NPTX1: variants seen among roughly 807,000 people sequenced by gnomAD.
NPTX1 encodes the protein neuronal pentraxin 1.
In NPTX1, 12 loss-of-function variants were observed where a neutral mutation model predicts 38.7. That is an observed-to-expected ratio of 0.31 (90% CI 0.20 to 0.50). NPTX1 has a LOEUF of 0.50. NPTX1 is among the 20% of genes least tolerant of loss of function. The pLI is 0.98. For missense variants in NPTX1, 454 were observed against 592.2 expected (o/e 0.77, Z 2.42); for synonymous variants, 272 against 264.9 (o/e 1.03, Z -0.26).
Position 80,471,821 on chromosome 17 carries a change from G to C in NPTX1, c.988C>G (p.Gln330Glu), listed in dbSNP as rs779150688. ...TTRDGVWEAYQDGTQGGSGEN... is the reference protein window; with the variant it reads ...TTRDGVWEAYEDGTQGGSGEN... ...CCACTGCCACCCTGCGTGCCATCCTGGTAGGCCTCCCAGACCCCGTCCCGG... is the reference window on the plus strand; with the variant it reads ...CCACTGCCACCCTGCGTGCCATCCTCGTAGGCCTCCCAGACCCCGTCCCGG... Residue 330 changes from glutamine to glutamate, a missense_variant, in exon 4 of 5, where the codon CAG (glutamine) becomes GAG (glutamate). By Grantham distance (29) the Gln-to-Glu change is conservative. Coordinates refer to ENST00000306773, the MANE Select transcript of NPTX1 (RefSeq NM_002522.4). 1.2e-6 allele frequency: 2 copies of C among 1,613,622 alleles called. No individual in the cohort carries two copies. Among genetic ancestry groups the C allele is most frequent in the Admixed American group, 1.7e-5 (1 of 60,022 alleles).
rs2083816743 is a variant in NPTX1 at position 80,468,192 on chromosome 17, G to A, written c.*2621C>T. 1 of 152,750 alleles carries A rather than the reference G, an allele frequency of 6.5e-6. No homozygotes were observed. The highest frequency in any genetic ancestry group is 1.5e-5 in the Non-Finnish European group (1 of 68,088). The allele number at this position is 152,750 out of a possible 1,614,324, so 9.5% of individuals were successfully genotyped here. On this transcript the variant is annotated 3_prime_UTR_variant, in exon 5 of 5. Coordinates refer to ENST00000306773, the MANE Select transcript of NPTX1 (RefSeq NM_002522.4). ...AAGTGCCAAGTGTCAACACAGTGAG[G>A]GAGTCGAGGGGCTTGGCTCAGACCC...
chr17:80,476,194 T>G lies in NPTX1; in HGVS notation c.253A>C (p.Lys85Gln). 1 of 1,577,800 alleles carries G rather than the reference T, an allele frequency of 6.3e-7. No individual in the cohort carries two copies. ...CTCTGGCTCTCGCAGCGGCCCAGCT[T>G]GGCGGTCAGCTCGCGGATGGTCTCC... The part of the protein sequence containing the change: ...QKETIRELTA[K>Q]LGRCESQSTL... The change falls in exon 1 of 5, where the codon AAG becomes CAG. Residue 85 changes from lysine to glutamine, a missense_variant. Transcript: ENST00000306773. The surrounding 1 kb of genome is among the most constrained non-coding windows in gnomAD (Gnocchi z 6.3).
intron 4 of NPTX1, 71 bp from the exon 5 acceptor site, chr17:80,471,105 G>T (rs907600982): frequency 1.9e-5 from 23 of 1,213,194 alleles, no homozygotes; most frequent in Admixed American, 4.4e-5. Context: ...CTAGGCCGGG[G>T]ATCTGAGTGC....
Position 80,476,517 on chromosome 17 carries a change from CG to C in NPTX1, c.-72del, listed in dbSNP as rs1257212278. On this transcript the variant is annotated 5_prime_UTR_variant, in exon 1 of 5. Transcript: ENST00000306773. This position sits in a 1 kb window ranked among gnomAD's most constrained non-coding sequence, Gnocchi z 6.3. ...GCTCGGCTCCGGCTGGGACCCGGCT[CG>C]GGCTGTGGCTCCGCGAGCGGCCCGC... 3 of 909,668 alleles carry C rather than the reference CG, an allele frequency of 3.3e-6. No individual in the cohort carries two copies. The East Asian group carries it at 2.4e-4, about 72-fold the overall frequency. The allele number at this position is 909,668 out of a possible 1,614,324, so 56.3% of individuals were successfully genotyped here.
In NPTX1 at chr17:80,476,442, G is replaced by C; in HGVS notation, c.5C>G (p.Pro2Arg). The C allele has an allele frequency of 2.3e-6, 3 of 1,310,732 alleles. No homozygotes were observed. Among genetic ancestry groups the C allele is most frequent in the Middle Eastern group, 2.9e-4 (1 of 3,436 alleles). The allele number at this position is 1,310,732 out of a possible 1,614,324, so 81.2% of individuals were successfully genotyped here. A position where few individuals can be genotyped will look rare whatever the true frequency, so the allele number is the denominator to read the frequency against. MPAGRAARTCAL... is the reference protein window; with the variant it reads MRAGRAARTCAL... ...ACAGGTGCGCGCGGCGCGGCCGGCCGGCATGGCTGCGGGCACCGGGCGCTC... is the reference window on the plus strand; with the variant it reads ...ACAGGTGCGCGCGGCGCGGCCGGCCCGCATGGCTGCGGGCACCGGGCGCTC... The change falls in exon 1 of 5, where the codon CCG becomes CGG. Residue 2 changes from proline to arginine, a missense_variant. Pro to Arg is a moderately radical substitution (Grantham distance 103, BLOSUM62 -2). Transcript: ENST00000306773. The surrounding 1 kb of genome is among the most constrained non-coding windows in gnomAD (Gnocchi z 6.3).
chr17:80,470,803 C>A lies in NPTX1; in HGVS notation c.*10G>T. ...GCGAGGGCGGGCGGGCTCAGCCTGG[C>A]CTGCCGTGCTCAGTTGATCTGGCGA... On this transcript the variant is annotated 3_prime_UTR_variant, in exon 5 of 5. Transcript: ENST00000306773. 6.4e-7 allele frequency: 1 copy of A among 1,567,756 alleles called. No homozygotes were observed. The highest frequency in any genetic ancestry group is 8.7e-7 in the Non-Finnish European group (1 of 1,147,336).
Position 80,471,785 on chromosome 17 carries a change from C to G in NPTX1, c.1024G>C (p.Ala342Pro). 1 of 1,613,346 alleles carries G rather than the reference C, an allele frequency of 6.2e-7. No homozygotes were observed. The highest frequency in any genetic ancestry group is 2.2e-5 in the East Asian group (1 of 44,888). ...GTQGGSGENLAPYHPIKPQGV... is the reference protein window; with the variant it reads ...GTQGGSGENLPPYHPIKPQGV... ...TGGGGCTTGATGGGGTGATAGGGCG[C>G]CAAGTTCTCGCCACTGCCACCCTGC... is the stretch of plus-strand genomic sequence containing the variant. The change falls in exon 4 of 5, where the codon GCG (alanine) becomes CCG (proline). Residue 342 changes from alanine to proline, a missense_variant. Physicochemically the swap from Ala to Pro is conservative, Grantham distance 27. Transcript: ENST00000306773.
Position 80,475,379 on chromosome 17 carries a change from G to A in NPTX1, c.652+132C>T. On this transcript the variant is annotated intron_variant, in intron 2 of 4. Transcript: ENST00000306773. The surrounding 1 kb of genome is among the most constrained non-coding windows in gnomAD (Gnocchi z 6.5). ...AAGGGGTGCGGGGAATGAGAAAGCGGTGCAGGGGTTGGGGGTAGCGGAGCG... is the reference window on the plus strand; with the variant it reads ...AAGGGGTGCGGGGAATGAGAAAGCGATGCAGGGGTTGGGGGTAGCGGAGCG... The A allele has an allele frequency of 1.5e-6, 1 of 666,036 alleles. No homozygotes were observed. The highest frequency in any genetic ancestry group is 2.5e-6 in the Non-Finnish European group (1 of 395,988). 41.3% of individuals were successfully genotyped at this position (666,036 alleles called of 1,614,324 possible). A position where few individuals can be genotyped will look rare whatever the true frequency, so the allele number is the denominator to read the frequency against.
intron 4 of NPTX1, 28 bp from the exon 5 acceptor site, chr17:80,471,062 G>A: frequency 1.3e-6 from 2 of 1,544,534 alleles, no homozygotes; most frequent in Non-Finnish European, 8.8e-7. Flanking sequence ...GGATGAGAGT[G>A]GAGGGGTCGC....
rs2083835538 is a variant in NPTX1, at chr17:80,470,655, T to C, written c.*158A>G. On this transcript the variant is annotated 3_prime_UTR_variant, in exon 5 of 5. Coordinates refer to ENST00000306773, the MANE Select transcript of NPTX1 (RefSeq NM_002522.4). ...ACAGATGGGAGCAGGGGCTGCTTCGTGTGCATGAGGACAAAACCAGGCTGT... is the reference window on the plus strand; with the variant it reads ...ACAGATGGGAGCAGGGGCTGCTTCGCGTGCATGAGGACAAAACCAGGCTGT... The C allele has an allele frequency of 6.9e-6, 4 of 578,454 alleles. No homozygotes were observed. Among genetic ancestry groups the C allele is most frequent in the Non-Finnish European group, 9.2e-6 (3 of 326,350 alleles). 35.8% of individuals were successfully genotyped at this position (578,454 alleles called of 1,614,324 possible).
At chr17:80,471,629 G>C in intron 4 of NPTX1, 103 bp downstream of exon 4, 1 of 1,486,612 alleles carries the variant, frequency 6.7e-7, no homozygotes, top group Non-Finnish European at 8.9e-7. Context: ...CTTCTCAGGG[G>C]AACCACTTCT....
rs1380444678 is a variant in NPTX1 at position 80,470,019 on chromosome 17, G to A, written c.*794C>T. On this transcript the variant is annotated 3_prime_UTR_variant, in exon 5 of 5. Transcript: ENST00000306773. ...GGGCCGTCCTGGGGCAGAGCTAGCT[G>A]AGCTGGGCACACAGGCCGACCTCCC... is the stretch of plus-strand genomic sequence containing the variant. The A allele has an allele frequency of 6.6e-6, 1 of 152,358 alleles. No individual in the cohort carries two copies. The highest frequency in any genetic ancestry group is 1.5e-5 in the Non-Finnish European group (1 of 68,148). The allele number at this position is 152,358 out of a possible 1,614,324, so 9.4% of individuals were successfully genotyped here. A position where few individuals can be genotyped will look rare whatever the true frequency, so the allele number is the denominator to read the frequency against.
intron 4 of NPTX1, among the ~76,000 whole-genome samples, chr17:80,471,387 G>A (rs1427735994): frequency 6.6e-6 from 1 of 152,210 alleles, no homozygotes; most frequent in Admixed American, 6.5e-5. Context: ...GCCCAACAGG[G>A]ACAGACGTCC....
chr17:80,471,688 G>A (rs748269137), intron 4 of NPTX1, 44 bp downstream of exon 4: 1 of 1,576,252 alleles, frequency 6.3e-7, no homozygotes, highest in South Asian at 1.1e-5. Context: ...CCAGCCTCTG[G>A]TTCTGAAGCT....
intron 4 of NPTX1, 89 bp downstream of exon 4, chr17:80,471,643 G>C: frequency 6.6e-7 from 1 of 1,511,922 alleles, no homozygotes; most frequent in South Asian, 1.3e-5. Context: ...CACTTCTCCG[G>C]CTACCTCCCT....
chr17:80,475,927 G>T lies in NPTX1; in HGVS notation c.444+76C>A. The stretch of plus-strand genomic sequence containing the variant: ...GGCGAGGGCGGGGGATGCCTGGCCG[G>T]GTAGGGAACGGGGTGGGGGAGGGCA... On this transcript the variant is annotated intron_variant, in intron 1 of 4. Transcript: ENST00000306773. This position sits in a 1 kb window ranked among gnomAD's most constrained non-coding sequence, Gnocchi z 6.5. 15 of 1,274,384 alleles carry T rather than the reference G, an allele frequency of 1.2e-5. No homozygotes were observed. The highest frequency in any genetic ancestry group is 1.6e-5 in the Non-Finnish European group (15 of 916,714). The allele number at this position is 1,274,384 out of a possible 1,614,324, so 78.9% of individuals were successfully genotyped here. A position where few individuals can be genotyped will look rare whatever the true frequency, so the allele number is the denominator to read the frequency against.
At position 80,469,554 on chromosome 17, in the gene NPTX1, T is replaced by C. The variant is rs1025283748; in HGVS notation, c.*1259A>G. ...GCCAGTGGCAGCTTGTGGGCTGCTG[T>C]AGGCCGTGAGCCCCATGAGATGGAG... On this transcript the variant is annotated 3_prime_UTR_variant, in exon 5 of 5. Transcript: ENST00000306773. The C allele has an allele frequency of 6.6e-6, 1 of 152,312 alleles. No individual in the cohort carries two copies. Among genetic ancestry groups the C allele is most frequent in the Non-Finnish European group, 1.5e-5 (1 of 68,088 alleles). The allele number at this position is 152,312 out of a possible 1,614,324, so 9.4% of individuals were successfully genotyped here.
intron 4 of NPTX1, 115 bp from the exon 5 acceptor site, chr17:80,471,149 C>A: frequency 1.4e-6 from 1 of 735,316 alleles, no homozygotes; most frequent in Non-Finnish European, 2.2e-6. Flanking sequence ...CTCTCACGGA[C>A]ACTCCTAGGT....
rs1350231237 is a variant in NPTX1 at position 80,475,234 on chromosome 17, G to A, written c.652+277C>T. Among the ~76,000 whole-genome samples the A allele has an allele frequency of 2.0e-5, 3 of 152,180 alleles. No homozygotes were observed. Among genetic ancestry groups the A allele is most frequent in the African/African-American group, 4.8e-5 (2 of 41,436 alleles). Reference sequence around the variant, plus strand: ...ACAAATCAGACTTGAAAAATCCAGCGAGTGTGTGAGTGTGTCTGGATGGGG... The same window carrying A: ...ACAAATCAGACTTGAAAAATCCAGCAAGTGTGTGAGTGTGTCTGGATGGGG... On this transcript the variant is annotated intron_variant, in intron 2 of 4. Coordinates refer to ENST00000306773, the MANE Select transcript of NPTX1 (RefSeq NM_002522.4). The surrounding 1 kb of genome is among the most constrained non-coding windows in gnomAD (Gnocchi z 6.5).
Sources: allele counts gnomAD v4.1 joint callset (sites outside exome capture counted in the v4.1 genomes callset), GRCh38; gene constraint gnomAD v4.1.1; non-coding constraint Gnocchi (gnomAD v3.1); transcripts MANE v1.5; gene names NCBI Gene and HGNC (gene_info 2026-07-23, HGNC 2026-07-21).